Variants in BDH1 observed in about 807,000 individuals in gnomAD.
BDH1 encodes the protein 3-hydroxybutyrate dehydrogenase 1.
BDH1 carries 30 observed loss-of-function variants against 33.1 expected under a neutral mutation model. That is an observed-to-expected ratio of 0.91 (90% confidence interval 0.68 to 1.23). The LOEUF is 1.23. Among genes scored for constraint, BDH1 ranks in the 50% most tolerant of loss-of-function variants. The pLI, the probability that BDH1 is intolerant of heterozygous loss-of-function variation, is 0.00. For missense variants in BDH1, 443 were observed against 464.4 expected, an observed-to-expected ratio of 0.95 and a Z score of 0.42; for synonymous variants, 190 against 183.6, an observed-to-expected ratio of 1.03 and a Z score of -0.28.
At chr3:197,540,307 G>A (rs1715496734) in intron 3 of BDH1, among the ~76,000 whole-genome samples, 1 of 150,026 alleles carries the variant, frequency 6.7e-6, no homozygotes, top group Admixed American at 6.7e-5. Context: ...ACCTGCCTCT[G>A]CCTCCCAAAG....
rs1210790741 is a variant in BDH1 at position 197,520,152 on chromosome 3, A to G, written c.409+2488T>C. ...CAAGGCCAAGACATGGCAGAGTGGC[A>G]GAGTGTGGAGGGGAAGCAGGGAGAG... On this transcript the variant is annotated intron_variant, in intron 6 of 7. Coordinates refer to ENST00000392379, the MANE Select transcript of BDH1 (RefSeq NM_203314.3). This position sits in a 1 kb window ranked among gnomAD's most constrained non-coding sequence, Gnocchi z 6.0. Among the ~76,000 whole-genome samples, 1 of 152,168 alleles carries G rather than the reference A, an allele frequency of 6.6e-6. No individual in the cohort carries two copies. Among genetic ancestry groups the G allele is most frequent in the African/African-American group, 2.4e-5 (1 of 41,452 alleles).
chr3:197,547,257 G>T (rs370456574), intron 2 of BDH1, among the ~76,000 whole-genome samples: 1 of 152,242 alleles, frequency 6.6e-6, no homozygotes, highest in South Asian at 2.1e-4. Context: ...TTGCCCTCCT[G>T]TTCTGTTAAT....
intron 2 of BDH1, among the ~76,000 whole-genome samples, chr3:197,552,677 T>C (rs769853644): frequency 1.3e-5 from 2 of 152,234 alleles, no homozygotes; most frequent in Admixed American, 6.5e-5. Context: ...AGACATTCTC[T>C]GGCCACCCCA....
intron 3 of BDH1, among the ~76,000 whole-genome samples, chr3:197,536,601 G>A (rs547924081): frequency 1.3e-5 from 2 of 152,272 alleles, no homozygotes; most frequent in African/African-American, 4.8e-5. Context: ...AGCACTTTGG[G>A]AGGCCGAGGC....
intron 4 of BDH1, among the ~76,000 whole-genome samples, chr3:197,533,106 A>G (rs1237416543): frequency 6.6e-6 from 1 of 152,108 alleles, no homozygotes; most frequent in Non-Finnish European, 1.5e-5. Flanking sequence ...TGAACTCCCT[A>G]CCTTAGTTGA....
At chr3:197,538,313 G>C (rs774808969) in intron 3 of BDH1, 1 of 456,496 alleles carries the variant, frequency 2.2e-6, no homozygotes, top group South Asian at 1.5e-5. Flanking sequence ...TACCTTTTCT[G>C]TATACCATTT....
At chr3:197,530,965 T>C (rs1714587338) in intron 5 of BDH1, among the ~76,000 whole-genome samples, 1 of 152,138 alleles carries the variant, frequency 6.6e-6, no homozygotes, top group African/African-American at 2.4e-5. Flanking sequence ...TTGTTAACAG[T>C]TTACATATTC....
rs778610408 is a variant in BDH1 at position 197,514,163 on chromosome 3, T to C, written c.562+101A>G. ...GATTCACGAGCTCACCTCTGCTGAG[T>C]TGTGGACATTGGAGCTGCTGGGACA... is the stretch of plus-strand genomic sequence containing the variant. On this transcript the variant is annotated intron_variant, in intron 7 of 7. Transcript: ENST00000392379. This position sits in a 1 kb window ranked among gnomAD's most constrained non-coding sequence, Gnocchi z 4.2. 6 of 1,441,576 alleles carry C rather than the reference T, an allele frequency of 4.2e-6. No homozygotes were observed. The East Asian group carries it at 1.5e-4, about 36-fold the overall frequency. The allele number at this position is 1,441,576 out of a possible 1,614,324, so 89.3% of individuals were successfully genotyped here.
At chr3:197,547,247 T>G (rs2108759318) in intron 2 of BDH1, among the ~76,000 whole-genome samples, 1 of 152,342 alleles carries the variant, frequency 6.6e-6, no homozygotes, top group South Asian at 2.1e-4. Flanking sequence ...CGGGCATGCG[T>G]TGCCCTCCTG....
chr3:197,572,513 C>T (rs1189125613), intron 1 of BDH1, among the ~76,000 whole-genome samples: 1 of 152,200 alleles, frequency 6.6e-6, no homozygotes, highest in Non-Finnish European at 1.5e-5. Flanking sequence ...CAGCAATAAA[C>T]TCCCTTCTTT....
chr3:197,556,141 A>G (rs1025798155), upstream of BDH1: 3 of 152,062 alleles, frequency 2.0e-5, no homozygotes, highest in Admixed American at 2.0e-4. Flanking sequence ...CGGGCGCCAG[A>G]TCCCCCGCCG....
intron 3 of BDH1, among the ~76,000 whole-genome samples, chr3:197,543,495 CCAGAGTCTT>C (rs1019427208): frequency 9.9e-5 from 15 of 152,212 alleles, no homozygotes; most frequent in African/African-American, 3.6e-4. Flanking sequence ...CCCAGGGATG[CCAGAGTCTT>C]CTGGCAAAGC....
At chr3:197,515,489 A>G (rs2108705049) in intron 6 of BDH1, 2 of 985,534 alleles carry the variant, frequency 2.0e-6, no homozygotes, top group African/African-American at 3.5e-5. Context: ...GCCACTCCCC[A>G]CCCGTCATGG....
chr3:197,562,575 T>A (rs1717301794), intron 1 of BDH1, among the ~76,000 whole-genome samples: 1 of 152,010 alleles, frequency 6.6e-6, no homozygotes, highest in African/African-American at 2.4e-5. Context: ...GAAATGCATA[T>A]AAGGGCTGAT....
At position 197,521,303 on chromosome 3, in the gene BDH1, G is replaced by A. The variant is rs1713523008; in HGVS notation, c.409+1337C>T. Among the ~76,000 whole-genome samples, 1 of 152,150 alleles carries A rather than the reference G, an allele frequency of 6.6e-6. No individual in the cohort carries two copies. The highest frequency in any genetic ancestry group is 2.4e-5 in the African/African-American group (1 of 41,418). ...CATCCCCCACTGCTGTATTCTACAT[G>A]AATGGCACCCCGAGGTTGCAGACAG... On this transcript the variant is annotated intron_variant, in intron 6 of 7. Coordinates refer to ENST00000392379, the MANE Select transcript of BDH1 (RefSeq NM_203314.3). The surrounding 1 kb of genome is among the most constrained non-coding windows in gnomAD (Gnocchi z 4.9).
chr3:197,548,070 C>G (rs1020134326), intron 2 of BDH1, among the ~76,000 whole-genome samples: 3 of 152,220 alleles, frequency 2.0e-5, no homozygotes, highest in African/African-American at 7.2e-5. Context: ...ACGAGCCTGA[C>G]GCAAAGGAGG....
chr3:197,549,294 C>A (rs1173474448), intron 2 of BDH1, among the ~76,000 whole-genome samples: 2 of 152,194 alleles, frequency 1.3e-5, no homozygotes, highest in Non-Finnish European at 2.9e-5. Flanking sequence ...CTTGGGGCTT[C>A]TCTCAAGGGC....
chr3:197,568,341 G>T (rs964221598), intron 1 of BDH1, among the ~76,000 whole-genome samples: 42 of 151,704 alleles, frequency 2.8e-4, no homozygotes, highest in African/African-American at 9.7e-4. Context: ...GAATTTTATA[G>T]GTATTGAGTA....
chr3:197,554,041 C>A lies in BDH1; in HGVS notation c.-44+521G>T, dbSNP rs1318413217. Among the ~76,000 whole-genome samples the A allele has an allele frequency of 6.6e-6, 1 of 152,220 alleles. No homozygotes were observed. Among genetic ancestry groups the A allele is most frequent in the Non-Finnish European group, 1.5e-5 (1 of 68,036 alleles). ...CCTCCAAACCGTATCTCCAACTATA[C>A]TTTTCTCCTCTACTCATTCAACCGT... On this transcript the variant is annotated intron_variant, in intron 2 of 7. Transcript: ENST00000392379. The surrounding 1 kb of genome is among the most constrained non-coding windows in gnomAD (Gnocchi z 4.4).
Sources: gnomAD v4.1 joint callset for allele counts (sites outside exome capture counted in the v4.1 genomes callset) on GRCh38, gnomAD v4.1.1 for gene constraint, Gnocchi (gnomAD v3.1) non-coding constraint, MANE v1.5 for transcripts, NCBI Gene and HGNC (gene_info 2026-07-23, HGNC 2026-07-21) for gene names.